Variants in PLIN4 observed in about 807,000 individuals in gnomAD.
PLIN4 encodes perilipin 4.
In PLIN4, 57 loss-of-function variants were observed where a neutral mutation model predicts 52.4. The ratio of observed to expected loss-of-function variants is 1.09; its 90% CI spans 0.88 to 1.36. The LOEUF is 1.36. Ranked by LOEUF, PLIN4 falls within the 40% of genes most tolerant of loss-of-function variation. The pLI is 0.00. For missense variants in PLIN4, 1,757 were observed against 1,770.3 expected (o/e 0.99, Z 0.13); for synonymous variants, 826 against 785.4 (o/e 1.05, Z -0.86).
At position 4,511,349 on chromosome 19, in the gene PLIN4, C is replaced by G; in HGVS notation, c.2611G>C (p.Gly871Arg). The change falls in exon 5 of 8, where the codon GGT (glycine) becomes CGT (arginine). Residue 871 changes from glycine (G) to arginine (R), a missense_variant. Transcript: ENST00000301286. Reference protein sequence around the residue: ...TKNTLGSGVTGAAKVAKGAVQ... With the variant: ...TKNTLGSGVTRAAKVAKGAVQ... Reference sequence around the variant, plus strand: ...GCCCCTTTGGCCACTTTCGCAGCACCGGTCACCCCACTGCCAAGGGTGTTC... The same window carrying G: ...GCCCCTTTGGCCACTTTCGCAGCACGGGTCACCCCACTGCCAAGGGTGTTC... The G allele has an allele frequency of 6.3e-7, 1 of 1,588,536 alleles. No homozygotes were observed. The highest frequency in any genetic ancestry group is 1.1e-5 in the South Asian group (1 of 89,856).
rs766591390 is a variant in PLIN4 at position 4,504,686 on chromosome 19, C to T, written c.3889G>A (p.Glu1297Lys). 1.4e-5 allele frequency: 23 copies of T among 1,601,012 alleles called. No homozygotes were observed. Among genetic ancestry groups the T allele is most frequent in the East Asian group, 2.2e-5 (1 of 44,640 alleles). Reference sequence around the variant, plus strand: ...GCCCGCCCCACTGGCTGCTGGAGCTCGGCGGGCAGGCCCTGGAGGCTGGAG... The same window carrying T: ...GCCCGCCCCACTGGCTGCTGGAGCTTGGCGGGCAGGCCCTGGAGGCTGGAG... Reference protein sequence around the residue: ...LVSSLQGLPAELQQPVGRARH... With the variant: ...LVSSLQGLPAKLQQPVGRARH... The change falls in exon 8 of 8, where the codon GAG becomes AAG. Residue 1297 changes from glutamate to lysine, a missense_variant. Around this residue, in one of 7 missense-constraint regions of PLIN4, gnomAD observed 712 missense variants for 637.1 expected, o/e 1.12. Transcript: ENST00000301286.
At chr19:4,513,809 G>A (rs947638992) in intron 4 of PLIN4, 108 bp from the exon 5 acceptor site, 12 of 1,342,920 alleles carry the variant, frequency 8.9e-6, no homozygotes, top group African/African-American at 2.9e-5. Flanking sequence ...GGAACTGCAG[G>A]CACCCAGAGG....
intron 5 of PLIN4, 92 bp from the exon 6 acceptor site, chr19:4,509,047 C>T (rs4991027): frequency 0.11 from 144,665 of 1,268,130 alleles, 9,097 homozygotes; most frequent in South Asian, 0.19. Flanking sequence ...CGGCGGTTCC[C>T]GCCTGTGATC....
At position 4,511,503 on chromosome 19, in the gene PLIN4, G is replaced by A. The variant is rs1442888036; in HGVS notation, c.2457C>T (p.Asp819=). ...TACCGGTCAGCACGGTCTTGGCCGTGTCTACACCCATCTGGACGGCCCCCT... is the reference window on the plus strand; with the variant it reads ...TACCGGTCAGCACGGTCTTGGCCGTATCTACACCCATCTGGACGGCCCCCT... The part of the protein sequence containing the change: ...VAKGAVQMGV[D]TAKTVLTGTK... Residue 819 remains aspartate (D), a synonymous_variant, in exon 5 of 8, where the codon GAC becomes GAT. Coordinates refer to ENST00000301286, the MANE Select transcript of PLIN4 (RefSeq NM_001367868.2). 3.9e-6 allele frequency: 6 copies of A among 1,525,112 alleles called. No individual in the cohort carries two copies. Among genetic ancestry groups the A allele is most frequent in the Non-Finnish European group, 5.3e-6 (6 of 1,125,278 alleles). 94.5% of individuals were successfully genotyped at this position (1,525,112 alleles called of 1,614,324 possible).
At chr19:4,506,621 T>A (rs780893369) in intron 6 of PLIN4, among the ~76,000 whole-genome samples, 1 of 152,132 alleles carries the variant, frequency 6.6e-6, no homozygotes, top group Admixed American at 6.5e-5. Context: ...CACATCCCAT[T>A]TCCCAGCCCA....
Position 4,512,441 on chromosome 19 carries a change from T to G in PLIN4, c.1519A>C (p.Thr507Pro), listed in dbSNP as rs1352207013. The change falls in exon 5 of 8, where the codon ACA becomes CCA. Residue 507 changes from threonine to proline, a missense_variant. Physicochemically the swap from Thr to Pro is conservative, Grantham distance 38. This residue lies in a region of PLIN4 where 439 missense variants were observed against 406.4 expected (regional missense o/e 1.08). Coordinates refer to ENST00000301286, the MANE Select transcript of PLIN4 (RefSeq NM_001367868.2). ...GTKDAVSTGL[T>P]GAVNVAKGTV... ...CCTTTGGCCACGTTCACAGCCCCTG[T>G]GAGCCCAGTGGACACAGCATCTTTA... 3.7e-6 allele frequency: 6 copies of G among 1,610,968 alleles called. No individual in the cohort carries two copies. The highest frequency in any genetic ancestry group is 4.2e-6 in the Non-Finnish European group (5 of 1,179,114).
Position 4,512,771 on chromosome 19 carries a change from T to C in PLIN4, c.1189A>G (p.Met397Val). 6.4e-7 allele frequency: 1 copy of C among 1,560,156 alleles called. No individual in the cohort carries two copies. The highest frequency in any genetic ancestry group is 8.6e-7 in the Non-Finnish European group (1 of 1,158,892). ...GGLDTTKSMV[M>V]GTKDTMSTGL... ...GTGGACATCGTGTCTTTCGTACCCA[T>C]GACCATAGACTTGGTGGTATCCAGG... The change falls in exon 5 of 8, where the codon ATG (methionine) becomes GTG (valine). Residue 397 changes from methionine (M) to valine (V), a missense_variant. Physicochemically the swap from Met to Val is conservative, Grantham distance 21. Transcript: ENST00000301286.
chr19:4,513,497 G>C lies in PLIN4; in HGVS notation c.463C>G (p.Gln155Glu). The C allele has an allele frequency of 1.2e-6, 2 of 1,612,972 alleles. No homozygotes were observed. Among genetic ancestry groups the C allele is most frequent in the Non-Finnish European group, 1.7e-6 (2 of 1,179,694 alleles). Residue 155 changes from glutamine to glutamate, a missense_variant, in exon 5 of 8, where the codon CAA becomes GAA. Coordinates refer to ENST00000301286, the MANE Select transcript of PLIN4 (RefSeq NM_001367868.2). ...GAMDMAKGAVQGGLDTSKAVL... is the reference protein window; with the variant it reads ...GAMDMAKGAVEGGLDTSKAVL... ...GCCTTCGAGGTGTCCAGACCCCCTT[G>C]GACGGCCCCCTTAGCCATGTCCATG...
chr19:4,512,668 C>T lies in PLIN4; in HGVS notation c.1292G>A (p.Gly431Asp). 1 of 1,559,236 alleles carries T rather than the reference C, an allele frequency of 6.4e-7. No homozygotes were observed. Among genetic ancestry groups the T allele is most frequent in the Non-Finnish European group, 8.6e-7 (1 of 1,157,766 alleles). The change falls in exon 5 of 8, where the codon GGT becomes GAT. Residue 431 changes from glycine to aspartate, a missense_variant. Gly to Asp is a moderately conservative substitution (Grantham distance 94, BLOSUM62 -1). This residue lies in a region of PLIN4 where 439 missense variants were observed against 406.4 expected (regional missense o/e 1.08). Coordinates refer to ENST00000301286, the MANE Select transcript of PLIN4 (RefSeq NM_001367868.2). ...GLNTTQNIAT[G>D]TKDTVCSGVT... ...CCCACTGCAGACGGTGTCCTTTGTACCTGTTGCGATATTTTGGGTTGTGTT... is the reference window on the plus strand; with the variant it reads ...CCCACTGCAGACGGTGTCCTTTGTATCTGTTGCGATATTTTGGGTTGTGTT...
chr19:4,505,073 G>T, intron 6 of PLIN4, 126 bp from the exon 7 acceptor site: 1 of 855,604 alleles, frequency 1.2e-6, no homozygotes, highest in Non-Finnish European at 1.8e-6. Context: ...CGAGTTCCAA[G>T]TCAGTTGTAC....
rs776013326 is a variant in PLIN4 at position 4,513,574 on chromosome 19, C to A, written c.386G>T (p.Arg129Leu). The change falls in exon 5 of 8, where the codon CGG (arginine) becomes CTG (leucine). Residue 129 changes from arginine to leucine, a missense_variant. This residue lies in a region of PLIN4 where 332 missense variants were observed against 310.8 expected (regional missense o/e 1.07). Coordinates refer to ENST00000301286, the MANE Select transcript of PLIN4 (RefSeq NM_001367868.2). ...GVVQGGLDTT[R>L]SALTGTKEVV... ...CTCCTTGGTGCCCGTAAGTGCAGACCGAGTGGTGTCCAGGCCTCCCTGGAC... is the reference window on the plus strand; with the variant it reads ...CTCCTTGGTGCCCGTAAGTGCAGACAGAGTGGTGTCCAGGCCTCCCTGGAC... 3.7e-6 allele frequency: 6 copies of A among 1,605,114 alleles called. No individual in the cohort carries two copies. The highest frequency in any genetic ancestry group is 1.1e-5 in the South Asian group (1 of 90,148).
intron 6 of PLIN4, among the ~76,000 whole-genome samples, chr19:4,505,482 T>C (rs913327822): frequency 2.6e-5 from 4 of 152,162 alleles, no homozygotes; most frequent in Non-Finnish European, 4.4e-5. Flanking sequence ...TCCTGGCCCA[T>C]GGTGTGGCAG....
In PLIN4 at chr19:4,513,665, T is replaced by C. The variant is rs767453965; in HGVS notation, c.295A>G (p.Met99Val). The C allele has an allele frequency of 1.9e-6, 3 of 1,599,962 alleles. No homozygotes were observed. Among genetic ancestry groups the C allele is most frequent in the Admixed American group, 3.4e-5 (2 of 58,338 alleles). The change falls in exon 5 of 8, where the codon ATG becomes GTG. Residue 99 changes from methionine (M) to valine (V), a missense_variant. Met to Val is a conservative substitution (Grantham distance 21). Around this residue, in one of 7 missense-constraint regions of PLIN4, gnomAD observed 332 missense variants for 310.8 expected, o/e 1.07. Transcript: ENST00000301286. Reference sequence around the variant, plus strand: ...GACACGGCATCCTTGGCCCTGGACATCTTGGAACACACCAGGTCTTTGGCC... The same window carrying C: ...GACACGGCATCCTTGGCCCTGGACACCTTGGAACACACCAGGTCTTTGGCC... ...SGAKDLVCSK[M>V]SRAKDAVSSG...
At chr19:4,505,458 C>A (rs1976064061) in intron 6 of PLIN4, among the ~76,000 whole-genome samples, 1 of 152,192 alleles carries the variant, frequency 6.6e-6, no homozygotes, top group African/African-American at 2.4e-5. Flanking sequence ...TCCAGGTGAC[C>A]CTTGGTGAGA....
rs536147011 is a variant in PLIN4 at position 4,513,539 on chromosome 19, T to C, written c.421A>G (p.Ser141Gly). 1.3e-5 allele frequency: 21 copies of C among 1,610,074 alleles called. No individual in the cohort carries two copies. In the South Asian group the frequency reaches 2.3e-4, roughly 18 times the overall value. ...ATGTCCATGGCCCCTGTGACCCCGCTGGACACCACCTCCTTGGTGCCCGTA... is the reference window on the plus strand; with the variant it reads ...ATGTCCATGGCCCCTGTGACCCCGCCGGACACCACCTCCTTGGTGCCCGTA... ...ALTGTKEVVS[S>G]GVTGAMDMAK... The change falls in exon 5 of 8, where the codon AGC becomes GGC. Residue 141 changes from serine to glycine, a missense_variant. Around this residue, in one of 7 missense-constraint regions of PLIN4, gnomAD observed 332 missense variants for 310.8 expected, o/e 1.07. Transcript: ENST00000301286.
chr19:4,506,293 C>T (rs1161893220), intron 6 of PLIN4, among the ~76,000 whole-genome samples: 1 of 152,138 alleles, frequency 6.6e-6, no homozygotes, highest in African/African-American at 2.4e-5. Flanking sequence ...CATGCCGGGA[C>T]AGTCCTGCCC....
intron 4 of PLIN4, among the ~76,000 whole-genome samples, chr19:4,515,296 G>A (rs1417763467): frequency 6.6e-6 from 1 of 151,794 alleles, no homozygotes; most frequent in Non-Finnish European, 1.5e-5. Context: ...TTGAAACAGA[G>A]TCTCACTCTG....
intron 7 of PLIN4, 33 bp downstream of exon 7, chr19:4,504,828 G>A: frequency 6.2e-7 from 1 of 1,603,230 alleles, no homozygotes; most frequent in East Asian, 2.2e-5. Context: ...CCATGGGCGG[G>A]GTGGGGGGAC....
chr19:4,518,335 C>A (rs1976645533), intron 1 of PLIN4, 46 bp from the exon 2 acceptor site: 1 of 1,231,990 alleles, frequency 8.1e-7, no homozygotes, highest in Admixed American at 4.2e-5. Flanking sequence ...TCCCTAGCCT[C>A]CCATCCCACA....
Sources: gnomAD v4.1 joint callset for allele counts (sites outside exome capture counted in the v4.1 genomes callset) on GRCh38, gnomAD v4.1.1 for gene constraint, gnomAD v4.1.1 regional missense constraint, MANE v1.5 for transcripts, NCBI Gene and HGNC (gene_info 2026-07-23, HGNC 2026-07-21) for gene names.